The following DCX variants were observed in gnomAD, a reference collection of about 807,000 sequenced individuals.
The protein encoded by DCX is neuronal migration protein doublecortin.
Under a neutral mutation model 20.9 loss-of-function variants are expected in DCX, and 4 were observed. The ratio of observed to expected loss-of-function variants is 0.19; its 90% confidence interval spans 0.09 to 0.44. The LOEUF is 0.44. Ranked by LOEUF, DCX falls within the 20% of genes least tolerant of loss-of-function variation. The probability of loss-of-function intolerance (pLI) is 0.99; values close to 1 mark genes in which losing one functional copy is unlikely to be tolerated. For missense variants in DCX, 133 were observed against 296.9 expected (o/e 0.45, Z 4.06); for synonymous variants, 103 against 111.4 (o/e 0.92, Z 0.47).
At chrX:111,397,695 C>G (rs1044562565) in intron 3 of DCX, among the ~76,000 whole-genome samples, 1 of 111,653 alleles carries the variant, frequency 9.0e-6, no homozygotes, top group Non-Finnish European at 1.9e-5. Context: ...ATTAAAGTTA[C>G]GGTAGTTAGT....
At chrX:111,334,002 G>C (rs886870962) in intron 3 of DCX, among the ~76,000 whole-genome samples, 1 of 111,809 alleles carries the variant, frequency 8.9e-6, no homozygotes, top group Non-Finnish European at 1.9e-5. Flanking sequence ...GAACCATAAA[G>C]TCAAAACATG....
rs2095033743 is a variant in DCX, at chrX:111,301,458, G to T, written c.*229C>A. On this transcript the variant is annotated 3_prime_UTR_variant, in exon 7 of 7. Coordinates refer to ENST00000636035, the MANE Select transcript of DCX (RefSeq NM_001195553.2). ...TGCATCCCTGGAATGCTGCCCCAAA[G>T]GATGGTTATCAATCTATCTCTCATA... The T allele has an allele frequency of 2.2e-6, 1 of 444,708 alleles. No homozygotes were observed. The highest frequency in any genetic ancestry group is 3.7e-5 in the Admixed American group (1 of 27,316). 36.6% of individuals were successfully genotyped at this position (444,708 alleles called of 1,213,427 possible).
At chrX:111,391,064 TGA>T (rs1926909058) in intron 3 of DCX, among the ~76,000 whole-genome samples, 1 of 110,459 alleles carries the variant, frequency 9.1e-6, no homozygotes, top group Non-Finnish European at 1.9e-5. Flanking sequence ...AATCAAGTTC[TGA>T]TATGGTTTGG....
chrX:111,335,965 G>A lies in DCX; in HGVS notation c.706-2812C>T, dbSNP rs1603416083. On this transcript the variant is annotated intron_variant, in intron 3 of 6. Coordinates refer to ENST00000636035, the MANE Select transcript of DCX (RefSeq NM_001195553.2). ...GAGACTCCGAAAAAAAAGAAAGAAAGAAAGAAAGAAAAGTCTCAATAATTA... is the reference window on the plus strand; with the variant it reads ...GAGACTCCGAAAAAAAAGAAAGAAAAAAAGAAAGAAAAGTCTCAATAATTA... 2.7e-5 allele frequency among the ~76,000 whole-genome samples: 3 copies of A among 110,533 alleles called. No individual in the cohort carries two copies. In the South Asian group the frequency reaches 1.2e-3, roughly 43 times the overall value.
At chrX:111,325,244 A>T (rs1195763533) in intron 5 of DCX, among the ~76,000 whole-genome samples, 1 of 111,456 alleles carries the variant, frequency 9.0e-6, no homozygotes, top group African/African-American at 3.3e-5. Flanking sequence ...GAGATGGGAG[A>T]AGGGGAAAAG....
intron 3 of DCX, among the ~76,000 whole-genome samples, chrX:111,356,769 A>G (rs932364956): frequency 1.8e-5 from 2 of 112,128 alleles, no homozygotes; most frequent in Non-Finnish European, 3.8e-5. Context: ...TGTCAAAAGA[A>G]TCAAAATCAA....
intron 5 of DCX, among the ~76,000 whole-genome samples, chrX:111,328,322 T>G (rs868233954): frequency 8.9e-6 from 1 of 111,895 alleles, no homozygotes; most frequent in Non-Finnish European, 1.9e-5. Flanking sequence ...ATTCATTGAG[T>G]TCTAATATAT....
At chrX:111,330,113 C>G (rs1002279250) in intron 5 of DCX, among the ~76,000 whole-genome samples, 11 of 112,005 alleles carry the variant, frequency 9.8e-5, no homozygotes, top group African/African-American at 3.6e-4. Context: ...GGGTTCACAT[C>G]AGAATGCAAA....
chrX:111,386,714 T>C (rs1926547202), intron 3 of DCX, among the ~76,000 whole-genome samples: 1 of 111,393 alleles, frequency 9.0e-6, no homozygotes, highest in African/African-American at 3.3e-5. Flanking sequence ...TTTCTCTGGA[T>C]GAACTGCAGT....
intron 3 of DCX, among the ~76,000 whole-genome samples, chrX:111,341,394 A>T (rs1242729030): frequency 9.0e-6 from 1 of 111,172 alleles, no homozygotes; most frequent in Non-Finnish European, 1.9e-5. Context: ...TGAACCTACG[A>T]TTGATTGCAG....
rs1344526530 is a variant in DCX, at chrX:111,297,683, T to C, written c.*4004A>G. 9.0e-6 allele frequency: 1 copy of C among 111,462 alleles called. No homozygotes were observed. The highest frequency in any genetic ancestry group is 3.3e-5 in the African/African-American group (1 of 30,551). 9.2% of individuals were successfully genotyped at this position (111,462 alleles called of 1,213,427 possible). A position where few individuals can be genotyped will look rare whatever the true frequency, so the allele number is the denominator to read the frequency against. ...GGTCTCTTAGAACTGAACTAATAAATACCCCCTTAGTTCCCAGGAAGAGCC... is the reference window on the plus strand; with the variant it reads ...GGTCTCTTAGAACTGAACTAATAAACACCCCCTTAGTTCCCAGGAAGAGCC... On this transcript the variant is annotated 3_prime_UTR_variant, in exon 7 of 7. Transcript: ENST00000636035.
At chrX:111,330,871 G>A (rs1371474801) in intron 5 of DCX, 33 bp downstream of exon 5, 14 of 1,208,203 alleles carry the variant, frequency 1.2e-5, no homozygotes, top group Non-Finnish European at 1.6e-5. Flanking sequence ...CATAAATGAA[G>A]TCAGCGTGCA....
chrX:111,372,455 T>C (rs1925179421), intron 3 of DCX, among the ~76,000 whole-genome samples: 1 of 111,771 alleles, frequency 8.9e-6, no homozygotes, highest in South Asian at 3.8e-4. Flanking sequence ...TTCCTCCTAA[T>C]GAAAATCCCA....
At position 111,333,053 on chromosome X, in the gene DCX, T is replaced by C; in HGVS notation, c.806A>G (p.Asn269Ser). The change falls in exon 4 of 7, where the codon AAT becomes AGT. Residue 269 changes from asparagine (N) to serine (S), a missense_variant and splice_region_variant. By Grantham distance (46) the Asn-to-Ser change is conservative. Transcript: ENST00000636035. ...YAQDDFSLDE[N>S]ECRVMKGNPS... ...TAAAACCCAGTGGTTATGCTTACCATTTTCATCCAGAGAAAAATCATCCTG... is the reference window on the plus strand; with the variant it reads ...TAAAACCCAGTGGTTATGCTTACCACTTTCATCCAGAGAAAAATCATCCTG... The C allele has an allele frequency of 2.5e-6, 3 of 1,198,621 alleles. No individual in the cohort carries two copies. The highest frequency in any genetic ancestry group is 3.4e-6 in the Non-Finnish European group (3 of 883,881).
chrX:111,383,807 G>A (rs760321494), intron 3 of DCX, among the ~76,000 whole-genome samples: 4 of 110,708 alleles, frequency 3.6e-5, no homozygotes, highest in African/African-American at 1.3e-4. Flanking sequence ...AGCTCCAGAG[G>A]ATTTTGATGT....
At chrX:111,333,176 GA>G (rs1325873394) in intron 3 of DCX, 23 bp from the exon 4 acceptor site, 4 of 1,064,570 alleles carry the variant, frequency 3.8e-6, no homozygotes, top group Non-Finnish European at 5.2e-6. Context: ...CAGAAACACT[GA>G]TTGTATATGA....
At chrX:111,327,603 C>T (rs186720369) in intron 5 of DCX, among the ~76,000 whole-genome samples, 3 of 111,916 alleles carry the variant, frequency 2.7e-5, no homozygotes, top group Non-Finnish European at 3.8e-5. Context: ...AATTATCTAA[C>T]GATGATATCG....
intron 3 of DCX, among the ~76,000 whole-genome samples, chrX:111,349,470 G>A (rs1028575883): frequency 4.4e-4 from 49 of 111,549 alleles, no homozygotes; most frequent in Non-Finnish European, 8.7e-4. Flanking sequence ...TGCCTCCCAG[G>A]TTGCTAGAAT....
intron 3 of DCX, among the ~76,000 whole-genome samples, chrX:111,396,732 CA>C (rs1352205602): frequency 8.9e-6 from 1 of 111,847 alleles, no homozygotes; most frequent in Non-Finnish European, 1.9e-5. Context: ...GCCAAGGAAT[CA>C]AAAGAACAAT....
Sources: allele counts gnomAD v4.1 joint callset (sites outside exome capture counted in the v4.1 genomes callset), GRCh38; gene constraint gnomAD v4.1.1; transcripts MANE v1.5; gene names NCBI Gene and HGNC (gene_info 2026-07-23, HGNC 2026-07-21).